GRM7: variants seen among roughly 807,000 people sequenced by gnomAD.
GRM7 encodes the protein metabotropic glutamate receptor 7.
Under a neutral mutation model 84.5 loss-of-function variants are expected in GRM7, and 35 were observed. That is an observed-to-expected ratio of 0.41 (90% CI 0.32 to 0.55). GRM7 has a LOEUF of 0.55. GRM7 is among the 20% of genes least tolerant of loss of function. GRM7 has a pLI of 0.19. For synonymous variants in GRM7, 487 were observed against 455.1 expected (o/e 1.07, Z -0.89); for missense variants, 1,003 against 1,194.6 (o/e 0.84, Z 2.36).
intron 1 of GRM7, among the ~76,000 whole-genome samples, chr3:6,884,805 A>G (rs1695630767): frequency 6.6e-6 from 1 of 151,972 alleles, no homozygotes; most frequent in Non-Finnish European, 1.5e-5. Flanking sequence ...TCACCATGTT[A>G]TCCAGGCTGG....
chr3:7,132,175 G>A (rs1559461009), intron 1 of GRM7, among the ~76,000 whole-genome samples: 2 of 151,930 alleles, frequency 1.3e-5, no homozygotes, highest in African/African-American at 4.8e-5. Flanking sequence ...GTAGACTGGT[G>A]CCCCCCCAAC....
intron 2 of GRM7, among the ~76,000 whole-genome samples, chr3:7,271,512 T>C (rs1330003295): frequency 3.6e-5 from 5 of 138,936 alleles, no homozygotes; most frequent in Non-Finnish European, 7.5e-5. Flanking sequence ...TGAGCTGAAA[T>C]CGCGTCATTG....
At chr3:7,116,551 G>C (rs1292533614) in intron 1 of GRM7, among the ~76,000 whole-genome samples, 2 of 151,992 alleles carry the variant, frequency 1.3e-5, no homozygotes, top group Non-Finnish European at 2.9e-5. Context: ...AAAGTGTACT[G>C]TTATTATATT....
rs553919727 is a variant in GRM7, at chr3:7,542,826, G to A, written c.1516-35596G>A. Among the ~76,000 whole-genome samples, 54 of 152,222 alleles carry A rather than the reference G, an allele frequency of 3.5e-4. 1 individual carries two copies. Among genetic ancestry groups the A allele is most frequent in the African/African-American group, 2.9e-4 (12 of 41,544 alleles). Reference sequence around the variant, plus strand: ...CTCCCAAAATTCTGGGATTACAGGCGTGAGCCACTGCACCCAGCCCATGCG... The same window carrying A: ...CTCCCAAAATTCTGGGATTACAGGCATGAGCCACTGCACCCAGCCCATGCG... On this transcript the variant is annotated intron_variant, in intron 7 of 9. Coordinates refer to ENST00000357716, the MANE Select transcript of GRM7 (RefSeq NM_000844.4).
intron 2 of GRM7, among the ~76,000 whole-genome samples, chr3:7,250,795 A>AT (rs1171810869): frequency 6.6e-6 from 1 of 152,208 alleles, no homozygotes; most frequent in Non-Finnish European, 1.5e-5. Flanking sequence ...AAGTGCTGGG[A>AT]TTGCAGGTGT....
intron 2 of GRM7, among the ~76,000 whole-genome samples, chr3:7,215,668 A>AAAAAAAAT (rs369891169): frequency 3.3e-5 from 5 of 150,180 alleles, no homozygotes; most frequent in African/African-American, 9.7e-5. Flanking sequence ...CTGTCTCAAA[A>AAAAAAAAT]AAATAAATAA....
chr3:7,615,912 A>G (rs1559441279), intron 8 of GRM7, among the ~76,000 whole-genome samples: 5 of 151,972 alleles, frequency 3.3e-5, no homozygotes. Context: ...ATAAGCATAT[A>G]ACGTATTTAT....
At chr3:7,124,714 A>G (rs748935386) in intron 1 of GRM7, among the ~76,000 whole-genome samples, 9 of 152,136 alleles carry the variant, frequency 5.9e-5, no homozygotes, top group Non-Finnish European at 1.3e-4. Flanking sequence ...TAATAGACCT[A>G]CTTCTATCCA....
chr3:7,534,345 C>T lies in GRM7; in HGVS notation c.1516-44077C>T, dbSNP rs769694964. Among the ~76,000 whole-genome samples, 27 of 152,150 alleles carry T rather than the reference C, an allele frequency of 1.8e-4. 1 individual carries two copies. Among genetic ancestry groups the T allele is most frequent in the East Asian group, 1.2e-3 (6 of 5,190 alleles). On this transcript the variant is annotated intron_variant, in intron 7 of 9. Coordinates refer to ENST00000357716, the MANE Select transcript of GRM7 (RefSeq NM_000844.4). ...GCTGAATACTTTAAATATACAACCT[C>T]ATTGAAGCCTTACAACCACATTTTG... is the stretch of plus-strand genomic sequence containing the variant.
intron 1 of GRM7, among the ~76,000 whole-genome samples, chr3:7,023,325 TC>T (rs1405643772): frequency 2.0e-5 from 3 of 151,936 alleles, no homozygotes. Context: ...TTCCAGAGAG[TC>T]CCTCCTGATG....
At chr3:7,390,292 G>T (rs1224518454) in intron 4 of GRM7, among the ~76,000 whole-genome samples, 2 of 151,960 alleles carry the variant, frequency 1.3e-5, no homozygotes, top group South Asian at 2.1e-4. Flanking sequence ...AGGTTTTTTT[G>T]TGTGTTGACC....
rs1428481938 is a variant in GRM7 at position 7,093,696 on chromosome 3, AAAAAAAAAAAAAAAAAAAG to A, written c.520-52755_520-52737del. Among the ~76,000 whole-genome samples, 473 of 140,548 alleles carry A rather than the reference AAAAAAAAAAAAAAAAAAAG, an allele frequency of 3.4e-3. 35 individuals carry two copies. In the East Asian group the frequency reaches 0.038, roughly 11 times the overall value. 92.2% of individuals were successfully genotyped at this position (140,548 alleles called of 152,430 possible). A position where few individuals can be genotyped will look rare whatever the true frequency, so the allele number is the denominator to read the frequency against. On this transcript the variant is annotated intron_variant, in intron 1 of 9. Coordinates refer to ENST00000357716, the MANE Select transcript of GRM7 (RefSeq NM_000844.4). ...TGTCTCAAAAAAAAAAAAAAAAAAAAAAAAAAAAAAAAAAAAAAGGTAGTTAGTGGCCTTTGCTCTTTTA... is the reference window on the plus strand; with the variant it reads ...TGTCTCAAAAAAAAAAAAAAAAAAAAGTAGTTAGTGGCCTTTGCTCTTTTA...
chr3:7,068,955 T>C (rs1016225013), intron 1 of GRM7, among the ~76,000 whole-genome samples: 2 of 151,802 alleles, frequency 1.3e-5, no homozygotes, highest in Non-Finnish European at 2.9e-5. Flanking sequence ...CTTTTCTCAA[T>C]GGACTTCAGT....
At chr3:6,887,090 T>A (rs551539329) in intron 1 of GRM7, among the ~76,000 whole-genome samples, 1 of 152,286 alleles carries the variant, frequency 6.6e-6, no homozygotes, top group African/African-American at 2.4e-5. Flanking sequence ...CTTTTCACTT[T>A]ATGAGTCTTG....
At chr3:7,235,421 G>C (rs1487033935) in intron 2 of GRM7, among the ~76,000 whole-genome samples, 2 of 151,944 alleles carry the variant, frequency 1.3e-5, no homozygotes, top group African/African-American at 2.4e-5. Context: ...CTAGTAACTT[G>C]GCCACCACCA....
intron 2 of GRM7, among the ~76,000 whole-genome samples, chr3:7,199,195 G>C (rs1306708887): frequency 6.6e-6 from 1 of 152,160 alleles, no homozygotes; most frequent in African/African-American, 2.4e-5. Flanking sequence ...TAAGAGGCCT[G>C]GTAGCCTCTG....
chr3:7,379,014 C>T (rs989195540), intron 4 of GRM7, among the ~76,000 whole-genome samples: 9 of 152,164 alleles, frequency 5.9e-5, no homozygotes, highest in South Asian at 2.1e-4. Flanking sequence ...ACCTTTATAA[C>T]GTCAGCTTTA....
chr3:7,172,791 A>G (rs1382129362), intron 2 of GRM7, among the ~76,000 whole-genome samples: 2 of 152,182 alleles, frequency 1.3e-5, no homozygotes, highest in African/African-American at 4.8e-5. Flanking sequence ...GATGAATGAG[A>G]TAAGTAGTGA....
At chr3:6,975,478 C>A (rs1320879602) in intron 1 of GRM7, among the ~76,000 whole-genome samples, 1 of 152,066 alleles carries the variant, frequency 6.6e-6, no homozygotes, top group Non-Finnish European at 1.5e-5. Flanking sequence ...ATTTACTTGT[C>A]TTTTAGGAAT....
Sources: gnomAD v4.1 joint callset for allele counts (sites outside exome capture counted in the v4.1 genomes callset) on GRCh38, gnomAD v4.1.1 for gene constraint, MANE v1.5 for transcripts, NCBI Gene and HGNC (gene_info 2026-07-23, HGNC 2026-07-21) for gene names.